The following KIF13B variants were observed in gnomAD, a reference collection of about 807,000 sequenced individuals.
KIF13B encodes the protein kinesin-like protein KIF13B.
In KIF13B, 127 loss-of-function variants were observed where a neutral mutation model predicts 222.0. The ratio of observed to expected loss-of-function variants is 0.57; its 90% CI spans 0.50 to 0.66. KIF13B has a LOEUF of 0.66. Among genes scored for constraint, KIF13B ranks in the 30% least tolerant of loss-of-function variants. KIF13B has a pLI of 0.00. For missense variants in KIF13B, 2,173 were observed against 2,379.0 expected, an observed-to-expected ratio of 0.91 and a Z score of 1.80; for synonymous variants, 976 against 919.0, an observed-to-expected ratio of 1.06 and a Z score of -1.12.
intron 21 of KIF13B, among the ~76,000 whole-genome samples, chr8:29,137,130 A>G (rs1226217461): frequency 3.9e-5 from 6 of 152,198 alleles, no homozygotes; most frequent in Non-Finnish European, 8.8e-5. Flanking sequence ...ATACATGTTC[A>G]ATACATACTT....
chr8:29,126,338 C>T (rs981443994), intron 26 of KIF13B, 144 bp downstream of exon 26: 1 of 622,788 alleles, frequency 1.6e-6, no homozygotes, highest in Non-Finnish European at 2.9e-6. Context: ...ACTCAATGTT[C>T]CCTACTCTGT....
intron 31 of KIF13B, among the ~76,000 whole-genome samples, chr8:29,115,618 A>G (rs933665221): frequency 6.6e-6 from 1 of 152,064 alleles, no homozygotes; most frequent in African/African-American, 2.4e-5. Context: ...AAGCCACCAC[A>G]CCTGGCCTTA....
chr8:29,113,132 T>C (rs557086593), intron 32 of KIF13B, among the ~76,000 whole-genome samples: 1 of 152,326 alleles, frequency 6.6e-6, no homozygotes, highest in South Asian at 2.1e-4. Flanking sequence ...AGAAACAAGA[T>C]TTCTGTTTGA....
At chr8:29,140,035 G>C (rs890114345) in intron 21 of KIF13B, 28 bp downstream of exon 21, 36 of 1,546,198 alleles carry the variant, frequency 2.3e-5, no homozygotes, top group Non-Finnish European at 3.1e-5. Context: ...TTGTATCAAC[G>C]TAATACTAGG....
rs370374583 is a variant in KIF13B at position 29,177,625 on chromosome 8, GGT to G, written c.721-49_721-48del. On this transcript the variant is annotated intron_variant, in intron 8 of 39. Coordinates refer to ENST00000524189, the MANE Select transcript of KIF13B (RefSeq NM_015254.4). ...ACTAATCAACAGGAACACAGGGCCA[GGT>G]GTGGTGGCTCATGCCAGTAATCCCA... 3.1e-4 allele frequency: 386 copies of G among 1,263,406 alleles called. 2 individuals are homozygous for G. In the East Asian group the frequency reaches 7.1e-3, roughly 23 times the overall value. 78.3% of individuals were successfully genotyped at this position (1,263,406 alleles called of 1,614,324 possible). A position where few individuals can be genotyped will look rare whatever the true frequency, so the allele number is the denominator to read the frequency against.
At chr8:29,122,421 C>T (rs1328393781) in intron 29 of KIF13B, among the ~76,000 whole-genome samples, 170 bp downstream of exon 29, 1 of 152,196 alleles carries the variant, frequency 6.6e-6, no homozygotes, top group Non-Finnish European at 1.5e-5. Context: ...AAACATGAGA[C>T]TATGACACAC....
intron 2 of KIF13B, among the ~76,000 whole-genome samples, chr8:29,215,825 AT>A (rs1169322230): frequency 6.6e-6 from 1 of 152,248 alleles, no homozygotes; most frequent in Non-Finnish European, 1.5e-5. Context: ...TTGAAAGCAA[AT>A]TTATAATCTT....
intron 2 of KIF13B, among the ~76,000 whole-genome samples, chr8:29,225,522 C>A (rs987909371): frequency 6.6e-6 from 1 of 152,258 alleles, no homozygotes; most frequent in South Asian, 2.1e-4. Context: ...GTGTGCCCTG[C>A]CTGCCAAGCA....
chr8:29,262,921 A>G (rs887576159), intron 1 of KIF13B, 59 bp downstream of exon 1: 22 of 1,398,706 alleles, frequency 1.6e-5, no homozygotes, highest in South Asian at 1.3e-4. Flanking sequence ...GGCCGAGGGA[A>G]GGGCGCGCCA....
At chr8:29,115,862 C>T (rs766602515) in intron 31 of KIF13B, among the ~76,000 whole-genome samples, 7 of 152,108 alleles carry the variant, frequency 4.6e-5, no homozygotes, top group Non-Finnish European at 1.0e-4. Flanking sequence ...CTGGCCAATG[C>T]CCCTCCTCTC....
At position 29,116,715 on chromosome 8, in the gene KIF13B, GAA is replaced by G. The variant is rs1165345507; in HGVS notation, c.3837+114_3837+115del. 9.5e-5 allele frequency: 88 copies of G among 931,010 alleles called. 3 individuals carry two copies. The East Asian group carries it at 2.3e-3, about 25-fold the overall frequency. 57.7% of individuals were successfully genotyped at this position (931,010 alleles called of 1,614,324 possible). A position where few individuals can be genotyped will look rare whatever the true frequency, so the allele number is the denominator to read the frequency against. On this transcript the variant is annotated intron_variant, in intron 31 of 39. Coordinates refer to ENST00000524189, the MANE Select transcript of KIF13B (RefSeq NM_015254.4). ...AGGACAGCAGCAGTCACCTGGAAAA[GAA>G]AAGCTCAGTGCTTCCGGGAGCCTGT...
chr8:29,240,844 T>G (rs11990208), intron 2 of KIF13B, among the ~76,000 whole-genome samples: 1,713 of 152,304 alleles, frequency 0.011, 27 homozygotes, highest in African/African-American at 0.038. Flanking sequence ...ACTGGAACTC[T>G]CACGCATTGC....
intron 35 of KIF13B, among the ~76,000 whole-genome samples, chr8:29,107,750 C>T (rs145815431): frequency 1.4e-3 from 208 of 151,850 alleles, no homozygotes; most frequent in African/African-American, 3.7e-3. Flanking sequence ...TTAGTAGAGA[C>T]GGGGTTTCAC....
intron 37 of KIF13B, among the ~76,000 whole-genome samples, chr8:29,088,045 A>G (rs1388413453): frequency 1.3e-5 from 2 of 152,168 alleles, no homozygotes; most frequent in African/African-American, 4.8e-5. Context: ...ACGCAGGCGG[A>G]TCACGACATC....
In KIF13B at chr8:29,124,119, C is replaced by A; in HGVS notation, c.3257G>T (p.Arg1086Leu). 6.3e-7 allele frequency: 1 copy of A among 1,598,916 alleles called. No homozygotes were observed. The highest frequency in any genetic ancestry group is 1.1e-5 in the South Asian group (1 of 90,324). ...TTTTCTACGAAGTCTCTCTAAATCT[C>A]GATCCTGGAAGCAAGCAAGGAAAAT... Reference protein sequence around the residue: ...EEEDMDSYQDRDLERLRRKWL... With the variant: ...EEEDMDSYQDLDLERLRRKWL... The change falls in exon 27 of 40, where the codon CGA (arginine) becomes CTA (leucine). Residue 1086 changes from arginine (R) to leucine (L), a missense_variant. Physicochemically the swap from Arg to Leu is moderately radical, Grantham distance 102. This residue lies in a region of KIF13B where 1,480 missense variants were observed against 1,722.8 expected (regional missense o/e 0.86). Coordinates refer to ENST00000524189, the MANE Select transcript of KIF13B (RefSeq NM_015254.4).
intron 20 of KIF13B, 62 bp downstream of exon 20, chr8:29,140,406 C>T (rs775103492): frequency 4.6e-6 from 7 of 1,538,260 alleles, no homozygotes; most frequent in Non-Finnish European, 6.2e-6. Flanking sequence ...AATATCCCAT[C>T]ACCACCCTCT....
intron 2 of KIF13B, among the ~76,000 whole-genome samples, chr8:29,238,900 T>C (rs189361389): frequency 1.3e-5 from 2 of 152,248 alleles, no homozygotes; most frequent in African/African-American, 4.8e-5. Context: ...TAGCCAGGCA[T>C]GGTGGTACAT....
chr8:29,247,533 T>G (rs1476045601), intron 1 of KIF13B, among the ~76,000 whole-genome samples: 1 of 151,890 alleles, frequency 6.6e-6, no homozygotes, highest in Non-Finnish European at 1.5e-5. Flanking sequence ...AACTCAATAA[T>G]AAAAAGACAA....
At position 29,254,636 on chromosome 8, in the gene KIF13B, A is replaced by T. The variant is rs370204936; in HGVS notation, c.55+8344T>A. On this transcript the variant is annotated intron_variant, in intron 1 of 39. Coordinates refer to ENST00000524189, the MANE Select transcript of KIF13B (RefSeq NM_015254.4). ...CATACCCACTAGGATAGCAATACTC[A>T]TGGAGAGAGACAAGAACAAGTGTTG... Among the ~76,000 whole-genome samples, 12 of 152,356 alleles carry T rather than the reference A, an allele frequency of 7.9e-5. No homozygotes were observed. The South Asian group carries it at 2.5e-3, about 32-fold the overall frequency.
Sources: allele counts gnomAD v4.1 joint callset (sites outside exome capture counted in the v4.1 genomes callset), GRCh38; gene constraint gnomAD v4.1.1; regional missense constraint gnomAD v4.1.1; transcripts MANE v1.5; gene names NCBI Gene and HGNC (gene_info 2026-07-23, HGNC 2026-07-21).